Variants in ANXA8 observed in about 807,000 individuals in gnomAD.
ANXA8 encodes VAC-beta.
ANXA8 carries 9 observed loss-of-function variants against 26.8 expected under a neutral mutation model. The ratio of observed to expected loss-of-function variants is 0.34; its 90% CI spans 0.20 to 0.59. The LOEUF (loss-of-function observed/expected upper bound fraction) is 0.59, where lower values mean the gene tolerates loss of function less well. Among genes scored for constraint, ANXA8 ranks in the 20% least tolerant of loss-of-function variants. The pLI is 0.84. For missense variants in ANXA8, 83 were observed against 238.5 expected (o/e 0.35, Z 4.29); for synonymous variants, 39 against 94.8 (o/e 0.41, Z 3.42).
the ANXA8 span, chr10:47,502,364 G>A: frequency 6.2e-7 from 1 of 1,608,656 alleles, no homozygotes; most frequent in African/African-American, 1.4e-5. Context: ...AGCAGCTGCT[G>A]GCCCAGGGAC....
chr10:47,937,833 A>G, the ANXA8 span, among the ~76,000 whole-genome samples: 5 of 147,286 alleles, frequency 3.4e-5, 1 homozygote, highest in Admixed American at 6.7e-5. Context: ...TGTAAAGGAC[A>G]TGTTCCTGTA....
chr10:47,565,096 G>C, the ANXA8 span: 3 of 758,048 alleles, frequency 4.0e-6, no homozygotes, highest in Non-Finnish European at 7.3e-6. Context: ...TGAAGGACCA[G>C]CGCCCGTCCA....
the ANXA8 span, among the ~76,000 whole-genome samples, chr10:47,668,172 T>C: frequency 1.3e-5 from 2 of 150,980 alleles, no homozygotes; most frequent in Non-Finnish European, 1.5e-5. Context: ...TTATCTTGAC[T>C]GGACCTCCAG....
the ANXA8 span, among the ~76,000 whole-genome samples, chr10:47,957,895 A>T: frequency 6.7e-6 from 1 of 150,374 alleles, no homozygotes; most frequent in African/African-American, 2.5e-5. Flanking sequence ...AAATGTAAAA[A>T]TTACTCCTGC....
chr10:47,681,013 G>A, the ANXA8 span, among the ~76,000 whole-genome samples: 2 of 150,674 alleles, frequency 1.3e-5, no homozygotes, highest in Non-Finnish European at 3.0e-5. Context: ...ATGTTCTGCT[G>A]TTTGATTTCC....
At chr10:47,970,994 A>T in the ANXA8 span, among the ~76,000 whole-genome samples, 1 of 151,382 alleles carries the variant, frequency 6.6e-6, no homozygotes, top group Admixed American at 6.6e-5. Flanking sequence ...GACATCTGGG[A>T]GGCCAGCAGG....
At chr10:47,734,957 T>C in the ANXA8 span, among the ~76,000 whole-genome samples, 1 of 124,352 alleles carries the variant, frequency 8.0e-6, no homozygotes, top group South Asian at 2.3e-4. Flanking sequence ...AGGTGGAGCT[T>C]GCAGTGAGCT....
the ANXA8 span, chr10:47,726,793 T>G: frequency 9.3e-7 from 1 of 1,078,306 alleles, no homozygotes; most frequent in South Asian, 1.3e-5. Context: ...AGCATTTCTT[T>G]TATTTGAAAA....
the ANXA8 span, among the ~76,000 whole-genome samples, chr10:47,767,752 A>G: frequency 9.2e-5 from 14 of 151,636 alleles, no homozygotes; most frequent in East Asian, 7.7e-4. Flanking sequence ...CTGGAATTTT[A>G]TGGGATGTAC....
At chr10:47,741,786 A>G in the ANXA8 span, among the ~76,000 whole-genome samples, 16 of 151,770 alleles carry the variant, frequency 1.1e-4, no homozygotes, top group Non-Finnish European at 2.4e-4. Context: ...TGGATGAATC[A>G]TATATGTGAA....
the ANXA8 span, among the ~76,000 whole-genome samples, chr10:47,761,930 TAAAG>T: frequency 7.5e-6 from 1 of 134,056 alleles, no homozygotes; most frequent in South Asian, 2.8e-4. Flanking sequence ...GATTCTGGCT[TAAAG>T]AAGCCATTTC....
At chr10:47,922,077 C>A in the ANXA8 span, 1 of 531,092 alleles carries the variant, frequency 1.9e-6, no homozygotes, top group East Asian at 3.3e-5. Flanking sequence ...CATACAACTT[C>A]TCTGAACATT....
At chr10:47,606,155 CATAAACCACACTTTA>C in the ANXA8 span, among the ~76,000 whole-genome samples, 1 of 139,666 alleles carries the variant, frequency 7.2e-6, no homozygotes. Flanking sequence ...GATGGGTGAA[CATAAACCACACTTTA>C]AGCAAGAACT....
chr10:47,676,103 G>A, the ANXA8 span, among the ~76,000 whole-genome samples: 21 of 151,654 alleles, frequency 1.4e-4, no homozygotes, highest in Admixed American at 5.9e-4. Context: ...GCAGAAGAAA[G>A]AATCAGTGAA....
the ANXA8 span, among the ~76,000 whole-genome samples, chr10:47,506,780 C>T: frequency 6.9e-6 from 1 of 144,484 alleles, no homozygotes; most frequent in Admixed American, 7.1e-5. Context: ...CGTGGGACTA[C>T]AGGTGCGTGC....
rs1245759730 is a variant in ANXA8 at position 47,480,851 on chromosome 10, T to C, written c.22-963A>G. Reference sequence around the variant, plus strand: ...ATCCATCCACCCACCCATCCATCTATGCACCCGCCCATCCATCCATCCATC... The same window carrying C: ...ATCCATCCACCCACCCATCCATCTACGCACCCGCCCATCCATCCATCCATC... On this transcript the variant is annotated intron_variant, in intron 1 of 11. Coordinates refer to ENST00000585281, the MANE Select transcript of ANXA8 (RefSeq NM_001040084.3). Among the ~76,000 whole-genome samples, 3 of 64,626 alleles carry C rather than the reference T, an allele frequency of 4.6e-5. 1 individual carries two copies. The highest frequency in any genetic ancestry group is 1.5e-3 in the South Asian group (2 of 1,318). The allele number at this position is 64,626 out of a possible 152,430, so 42.4% of individuals were successfully genotyped here. A position where few individuals can be genotyped will look rare whatever the true frequency, so the allele number is the denominator to read the frequency against.
At chr10:47,503,637 T>A in the ANXA8 span, 1 of 1,094,300 alleles carries the variant, frequency 9.1e-7, no homozygotes, top group East Asian at 2.7e-5. Context: ...AAAAGATACA[T>A]TTTCTGGGCC....
the ANXA8 span, among the ~76,000 whole-genome samples, chr10:47,702,092 T>A: frequency 6.7e-6 from 1 of 149,882 alleles, no homozygotes; most frequent in South Asian, 2.1e-4. Context: ...GATTTCTCAC[T>A]GTTGGAGAAA....
At chr10:47,942,898 A>C in the ANXA8 span, among the ~76,000 whole-genome samples, 1 of 142,402 alleles carries the variant, frequency 7.0e-6, no homozygotes, top group Non-Finnish European at 1.5e-5. Flanking sequence ...TTCCTTCCCT[A>C]TGACATGCAC....
Sources: allele counts gnomAD v4.1 joint callset (sites outside exome capture counted in the v4.1 genomes callset), GRCh38; gene constraint gnomAD v4.1.1; transcripts MANE v1.5; gene names NCBI Gene and HGNC (gene_info 2026-07-23, HGNC 2026-07-21).